The following CCDC40 variants were observed in gnomAD, a reference collection of about 807,000 sequenced individuals.
CCDC40 encodes coiled-coil domain 40 molecular ruler complex subunit, also known as coiled-coil domain-containing protein 40.
In CCDC40, 104 loss-of-function variants were observed where a neutral mutation model predicts 124.5. The observed-to-expected ratio is 0.84, with a 90% CI of 0.71 to 0.98. The LOEUF is 0.98. CCDC40 is among the 50% of genes least tolerant of loss of function. CCDC40 has a pLI of 0.00. For synonymous variants in CCDC40, 580 were observed against 602.9 expected (o/e 0.96, Z 0.56); for missense variants, 1,463 against 1,503.9 (o/e 0.97, Z 0.45).
At chr17:80,083,240 TG>T (rs960763881) in intron 12 of CCDC40, among the ~76,000 whole-genome samples, 8 of 148,790 alleles carry the variant, frequency 5.4e-5, no homozygotes, top group Non-Finnish European at 7.5e-5. Context: ...AGGGAGTCCT[TG>T]GGGGGCCCAG....
At chr17:80,036,837 T>A in intron 1 of CCDC40, 146 bp downstream of exon 1, 1 of 725,960 alleles carries the variant, frequency 1.4e-6, no homozygotes, top group Non-Finnish European at 2.1e-6. Flanking sequence ...CTCTCGCCAT[T>A]TTGCTGGCCT....
In CCDC40 at chr17:80,050,934, G is replaced by A. The variant is rs145655949; in HGVS notation, c.1159+651G>A. 8.6e-3 allele frequency among the ~76,000 whole-genome samples: 1,312 copies of A among 152,288 alleles called. 17 individuals are homozygous for A. The highest frequency in any genetic ancestry group is 0.029 in the African/African-American group (1,212 of 41,560). The stretch of plus-strand genomic sequence containing the variant: ...TAGATGCGAATGCGAGGGTGAGGCC[G>A]GCACGACGGTCAGACCATGGCCCAG... On this transcript the variant is annotated intron_variant, in intron 7 of 19. Transcript: ENST00000397545.
Position 80,048,576 on chromosome 17 carries a change from C to T in CCDC40, c.677-7C>T. 1.2e-6 allele frequency: 2 copies of T among 1,610,716 alleles called. No individual in the cohort carries two copies. Among genetic ancestry groups the T allele is most frequent in the Non-Finnish European group, 1.7e-6 (2 of 1,177,576 alleles). ...CTCCTCAATGGTGTCGCTGTCTCTC[C>T]CCCCAGTGATCCCCCCAGGGGTGCC... On this transcript the variant is annotated splice_region_variant and splice_polypyrimidine_tract_variant and intron_variant, in intron 4 of 19. Coordinates refer to ENST00000397545, the MANE Select transcript of CCDC40 (RefSeq NM_017950.4).
chr17:80,091,493 C>T (rs929729073), intron 17 of CCDC40, among the ~76,000 whole-genome samples: 12 of 152,090 alleles, frequency 7.9e-5, no homozygotes, highest in Non-Finnish European at 8.8e-5. Flanking sequence ...AAGGAGGCAA[C>T]GGTGTCATCC....
intron 10 of CCDC40, among the ~76,000 whole-genome samples, chr17:80,071,983 T>G (rs1388019404): frequency 6.6e-6 from 1 of 151,960 alleles, no homozygotes; most frequent in Non-Finnish European, 1.5e-5. Context: ...ATTACAGACA[T>G]GCACCACCAC....
In CCDC40 at chr17:80,067,317, G is replaced by A. The variant is rs117866760; in HGVS notation, c.1562+1711G>A. The A allele has an allele frequency of 5.9e-3, 3,392 of 574,518 alleles. 28 individuals are homozygous for A. Among genetic ancestry groups the A allele is most frequent in the Non-Finnish European group, 5.7e-3 (1,854 of 322,978 alleles). 35.6% of individuals were successfully genotyped at this position (574,518 alleles called of 1,614,324 possible). A position where few individuals can be genotyped will look rare whatever the true frequency, so the allele number is the denominator to read the frequency against. ...TATTCGATCAGGTCTCCTCCTCCTC[G>A]GCCCGCAGTCACTAGAACCCCCTCC... On this transcript the variant is annotated intron_variant, in intron 10 of 19. Transcript: ENST00000397545.
chr17:80,070,828 G>A (rs981770917), intron 10 of CCDC40, among the ~76,000 whole-genome samples: 2 of 152,202 alleles, frequency 1.3e-5, no homozygotes, highest in Admixed American at 6.5e-5. Flanking sequence ...TGTCAGGACT[G>A]CTGTGGTAGC....
rs147353105 is a variant in CCDC40, at chr17:80,059,849, C to T, written c.1440+869C>T. 3.7e-3 allele frequency among the ~76,000 whole-genome samples: 556 copies of T among 152,180 alleles called. 1 individual carries two copies. Among genetic ancestry groups the T allele is most frequent in the African/African-American group, 0.013 (521 of 41,520 alleles). On this transcript the variant is annotated intron_variant, in intron 9 of 19. Coordinates refer to ENST00000397545, the MANE Select transcript of CCDC40 (RefSeq NM_017950.4). ...TCCTGGGATTACAGTCATGAGCCACCGTGCCCAGCCAATGAAAAAGAAGGA... is the reference window on the plus strand; with the variant it reads ...TCCTGGGATTACAGTCATGAGCCACTGTGCCCAGCCAATGAAAAAGAAGGA...
intron 17 of CCDC40, among the ~76,000 whole-genome samples, chr17:80,091,695 G>A (rs2143768589): frequency 6.6e-6 from 1 of 152,232 alleles, no homozygotes; most frequent in South Asian, 2.1e-4. Flanking sequence ...CAGCTATCCA[G>A]GCATTCCTTA....
chr17:80,056,881 A>G (rs1163439449), intron 7 of CCDC40, among the ~76,000 whole-genome samples: 1 of 151,522 alleles, frequency 6.6e-6, no homozygotes, highest in Non-Finnish European at 1.5e-5. Context: ...CTACTAAAAA[A>G]AAAAATACAA....
intron 7 of CCDC40, among the ~76,000 whole-genome samples, chr17:80,055,320 A>G (rs2037709531): frequency 6.6e-6 from 1 of 152,240 alleles, no homozygotes; most frequent in African/African-American, 2.4e-5. Flanking sequence ...ATAAAAGCCA[A>G]TAGAAACAGT....
At chr17:80,061,631 TC>T (rs1412700657) in intron 9 of CCDC40, among the ~76,000 whole-genome samples, 1 of 152,188 alleles carries the variant, frequency 6.6e-6, no homozygotes, top group African/African-American at 2.4e-5. Flanking sequence ...CGCCCGCACT[TC>T]CTTCATTTCT....
In CCDC40 at chr17:80,058,452, CCACT is replaced by C. The variant is rs749702814; in HGVS notation, c.1160-36_1160-33del. On this transcript the variant is annotated intron_variant, in intron 7 of 19. Coordinates refer to ENST00000397545, the MANE Select transcript of CCDC40 (RefSeq NM_017950.4). This position sits in a 1 kb window ranked among gnomAD's most constrained non-coding sequence, Gnocchi z 4.2. ...CATGGGGGACGCTGGGACAGCCTCC[CCACT>C]CACTCTCTCTCTCTTTCTCCCCCGC... 1.1e-5 allele frequency: 18 copies of C among 1,597,948 alleles called. No homozygotes were observed. In the South Asian group the frequency reaches 1.9e-4, roughly 17 times the overall value.
intron 9 of CCDC40, among the ~76,000 whole-genome samples, chr17:80,061,778 G>A (rs553291927): frequency 6.6e-5 from 10 of 151,966 alleles, no homozygotes; most frequent in South Asian, 6.2e-4. Flanking sequence ...CCCTGCTGTC[G>A]GCCATGAAAA....
chr17:80,049,811 C>T, intron 5 of CCDC40, 95 bp from the exon 6 acceptor site: 1 of 995,850 alleles, frequency 1.0e-6, no homozygotes, highest in Non-Finnish European at 1.6e-6. Context: ...GTCTCTGGCC[C>T]ACCGGAGGGA....
chr17:80,090,795 G>A (rs2038709565), intron 17 of CCDC40: 5 of 1,255,502 alleles, frequency 4.0e-6, no homozygotes, highest in Non-Finnish European at 5.0e-6. Flanking sequence ...AAAATAAATG[G>A]GCCTCACTTT....
chr17:80,067,546 C>T (rs1427711719), intron 10 of CCDC40: 1 of 1,518,846 alleles, frequency 6.6e-7, no homozygotes, highest in South Asian at 1.2e-5. Flanking sequence ...ATAAACACCG[C>T]TCGTTCCCGC....
At chr17:80,042,180 A>T (rs529447187) in intron 3 of CCDC40, among the ~76,000 whole-genome samples, 1 of 152,178 alleles carries the variant, frequency 6.6e-6, no homozygotes, top group East Asian at 1.9e-4. Flanking sequence ...GTGCAGTGGC[A>T]TGATCTTGGT....
chr17:80,051,470 A>C (rs1490265571), intron 7 of CCDC40, among the ~76,000 whole-genome samples: 1 of 151,370 alleles, frequency 6.6e-6, no homozygotes, highest in Non-Finnish European at 1.5e-5. Flanking sequence ...TCTACTAAAA[A>C]TACAAAAAAT....
Sources: gnomAD v4.1 joint callset for allele counts (sites outside exome capture counted in the v4.1 genomes callset) on GRCh38, gnomAD v4.1.1 for gene constraint, Gnocchi (gnomAD v3.1) non-coding constraint, MANE v1.5 for transcripts, NCBI Gene and HGNC (gene_info 2026-07-23, HGNC 2026-07-21) for gene names.